The following RBFOX1 variants were observed in gnomAD, a reference collection of about 807,000 sequenced individuals.
RBFOX1 encodes RNA binding fox-1 homolog 1.
Under a neutral mutation model 57.7 loss-of-function variants are expected in RBFOX1, and 8 were observed. That is an observed-to-expected ratio of 0.14 (90% confidence interval 0.08 to 0.25). RBFOX1 has a LOEUF of 0.25. Ranked by LOEUF, RBFOX1 falls within the 10% of genes least tolerant of loss-of-function variation. The pLI, the probability that RBFOX1 is intolerant of heterozygous loss-of-function variation, is 1.00. For missense variants in RBFOX1, 611 were observed against 548.5 expected, an observed-to-expected ratio of 1.11 and a Z score of -1.14; for synonymous variants, 326 against 222.4, an observed-to-expected ratio of 1.47 and a Z score of -4.15.
chr16:7,301,985 C>T (rs568270477), intron 4 of RBFOX1, among the ~76,000 whole-genome samples: 3 of 152,272 alleles, frequency 2.0e-5, no homozygotes, highest in Admixed American at 6.5e-5. Flanking sequence ...TTAATCAAAG[C>T]TTGTCCCATG....
intron 4 of RBFOX1, among the ~76,000 whole-genome samples, chr16:7,089,407 TAAAAA>T (rs56754682): frequency 6.6e-6 from 1 of 151,760 alleles, no homozygotes; most frequent in African/African-American, 2.4e-5. Flanking sequence ...TTTTAAGCAT[TAAAAA>T]AAAGTAGTCA....
chr16:7,448,059 C>T (rs41361549), intron 4 of RBFOX1, among the ~76,000 whole-genome samples: 4 of 152,176 alleles, frequency 2.6e-5, no homozygotes, highest in Non-Finnish European at 5.9e-5. Flanking sequence ...AAACAACTGA[C>T]TAATCTAAGG....
At chr16:6,060,738 G>A (rs1054604001) in intron 1 of RBFOX1, among the ~76,000 whole-genome samples, 4 of 152,190 alleles carry the variant, frequency 2.6e-5, no homozygotes, top group African/African-American at 9.6e-5. Context: ...TTCAGGGGCA[G>A]AGAGTTCAGT....
chr16:6,370,000 T>C (rs1172814255), intron 2 of RBFOX1, among the ~76,000 whole-genome samples: 1 of 152,190 alleles, frequency 6.6e-6, no homozygotes, highest in African/African-American at 2.4e-5. Flanking sequence ...GTCTCTTTAG[T>C]GTCTTTTAAT....
intron 1 of RBFOX1, among the ~76,000 whole-genome samples, chr16:6,310,631 A>G (rs1004167064): frequency 6.6e-6 from 1 of 152,168 alleles, no homozygotes; most frequent in Admixed American, 6.5e-5. Context: ...TGACTTTGAA[A>G]CCAAATCTGT....
At chr16:5,941,137 G>A (rs375409666) in intron 4 of RBFOX1, among the ~76,000 whole-genome samples, 62 of 152,206 alleles carry the variant, frequency 4.1e-4, no homozygotes, top group African/African-American at 1.2e-3. Flanking sequence ...AACAAAAAGC[G>A]TTCAAATAAG....
intron 3 of RBFOX1, among the ~76,000 whole-genome samples, chr16:5,834,577 C>CATAGATAGATAG (rs141276552): frequency 0.016 from 2,391 of 147,470 alleles, 26 homozygotes; most frequent in South Asian, 0.023. Context: ...GTGCATGTGT[C>CATAGATAGATAG]ATAGATAGAT....
intron 1 of RBFOX1, among the ~76,000 whole-genome samples, chr16:6,217,884 G>C (rs750756024): frequency 6.6e-6 from 1 of 152,102 alleles, no homozygotes; most frequent in African/African-American, 2.4e-5. Flanking sequence ...GTATGGTGGC[G>C]CATGATTGTT....
chr16:7,516,467 G>C (rs1303042025), intron 4 of RBFOX1, among the ~76,000 whole-genome samples: 3 of 152,198 alleles, frequency 2.0e-5, no homozygotes, highest in Non-Finnish European at 4.4e-5. Flanking sequence ...CTGGGGCTTT[G>C]TTGAAGAAAC....
At chr16:5,771,237 G>T (rs1463961061) in intron 3 of RBFOX1, among the ~76,000 whole-genome samples, 34 of 152,226 alleles carry the variant, frequency 2.2e-4, no homozygotes. Context: ...GTGCGACCTA[G>T]GTTGTTGGTC....
intron 1 of RBFOX1, among the ~76,000 whole-genome samples, chr16:5,265,540 T>C (rs2062836772): frequency 6.6e-6 from 1 of 152,216 alleles, no homozygotes; most frequent in Admixed American, 6.5e-5. Context: ...TTAGATTATA[T>C]TTTTCTCCAG....
At chr16:6,935,436 CTCTT>C (rs2077205441) in intron 3 of RBFOX1, among the ~76,000 whole-genome samples, 1 of 152,158 alleles carries the variant, frequency 6.6e-6, no homozygotes, top group Non-Finnish European at 1.5e-5. Flanking sequence ...CTTTTTCTCT[CTCTT>C]CTTGTCAATT....
chr16:7,419,752 C>T (rs1238515706), intron 4 of RBFOX1, among the ~76,000 whole-genome samples: 2 of 152,164 alleles, frequency 1.3e-5, no homozygotes, highest in Admixed American at 6.5e-5. Flanking sequence ...TGTTAATTTT[C>T]CGTGGCACCT....
intron 3 of RBFOX1, among the ~76,000 whole-genome samples, chr16:6,903,982 C>A (rs551339539): frequency 2.0e-5 from 3 of 152,150 alleles, no homozygotes; most frequent in East Asian, 3.9e-4. Flanking sequence ...GGTTCACATC[C>A]CAGGGAGTGA....
chr16:6,654,773 A>G (rs2098634515), intron 3 of RBFOX1, 123 bp downstream of exon 3: 2 of 637,872 alleles, frequency 3.1e-6, no homozygotes, highest in Admixed American at 4.0e-5. Context: ...TCTATGACAT[A>G]TTTAAAGACA....
At chr16:5,285,751 G>C (rs930782697) in intron 1 of RBFOX1, among the ~76,000 whole-genome samples, 5 of 152,164 alleles carry the variant, frequency 3.3e-5, no homozygotes, top group African/African-American at 1.2e-4. Context: ...GAGTTATTCA[G>C]TGGCTTAGAC....
At chr16:7,604,251 G>A (rs964983747) in intron 9 of RBFOX1, among the ~76,000 whole-genome samples, 2 of 152,168 alleles carry the variant, frequency 1.3e-5, no homozygotes, top group East Asian at 1.9e-4. Flanking sequence ...CATTCCCATC[G>A]CAGAGTTCAG....
chr16:7,412,239 A>G lies in RBFOX1; in HGVS notation c.28-105908A>G, dbSNP rs189133182. 1.0e-3 allele frequency among the ~76,000 whole-genome samples: 152 copies of G among 151,522 alleles called. 2 individuals carry two copies. Among genetic ancestry groups the G allele is most frequent in the Admixed American group, 8.5e-3 (129 of 15,262 alleles). ...AGACTAGCCTGGCCAACATGGTGAA[A>G]CCCCATCTCTACTAAAAATACAAAA... On this transcript the variant is annotated intron_variant, in intron 4 of 15. Coordinates refer to ENST00000550418, the MANE Select transcript of RBFOX1 (RefSeq NM_018723.4).
chr16:5,941,955 T>C (rs1039175342), intron 4 of RBFOX1, among the ~76,000 whole-genome samples: 6 of 151,492 alleles, frequency 4.0e-5, no homozygotes, highest in South Asian at 2.1e-4. Flanking sequence ...CGACCACCAT[T>C]GTTATGGTAT....
Sources: gnomAD v4.1 joint callset for allele counts (sites outside exome capture counted in the v4.1 genomes callset) on GRCh38, gnomAD v4.1.1 for gene constraint, MANE v1.5 for transcripts, NCBI Gene and HGNC (gene_info 2026-07-23, HGNC 2026-07-21) for gene names.